CDH4: variants seen among roughly 807,000 people sequenced by gnomAD.
CDH4 encodes the protein cadherin 4, also known as cadherin-4.
Under a neutral mutation model 86.0 loss-of-function variants are expected in CDH4, and 33 were observed. That is an observed-to-expected ratio of 0.38 (90% CI 0.29 to 0.51). The LOEUF (loss-of-function observed/expected upper bound fraction) is 0.51, where lower values mean the gene tolerates loss of function less well. Among genes scored for constraint, CDH4 ranks in the 20% least tolerant of loss-of-function variants. The pLI, the probability that CDH4 is intolerant of heterozygous loss-of-function variation, is 0.86. For synonymous variants in CDH4, 555 were observed against 549.4 expected, an observed-to-expected ratio of 1.01 and a Z score of -0.14; for missense variants, 1,114 against 1,307.4, an observed-to-expected ratio of 0.85 and a Z score of 2.28.
At chr20:61,313,722 G>T (rs550929741) in intron 2 of CDH4, among the ~76,000 whole-genome samples, 15 of 152,268 alleles carry the variant, frequency 9.9e-5, no homozygotes, top group African/African-American at 2.6e-4. Context: ...ACAACATGAT[G>T]ATTTTTTACA....
At chr20:61,768,995 C>T (rs979979757) in intron 3 of CDH4, among the ~76,000 whole-genome samples, 31 of 152,280 alleles carry the variant, frequency 2.0e-4, no homozygotes, top group South Asian at 4.1e-4. Context: ...CACCACCAGG[C>T]GGGAGAGACC....
intron 3 of CDH4, among the ~76,000 whole-genome samples, chr20:61,744,622 A>G (rs549420359): frequency 9.9e-5 from 15 of 152,254 alleles, no homozygotes; most frequent in African/African-American, 3.6e-4. Context: ...CTTCACACAG[A>G]CATAAAACAT....
intron 2 of CDH4, among the ~76,000 whole-genome samples, chr20:61,524,209 A>T (rs1346719109): frequency 6.6e-6 from 1 of 152,194 alleles, no homozygotes; most frequent in African/African-American, 2.4e-5. Context: ...TGCTATGGAA[A>T]GGTCCTGTTT....
intron 3 of CDH4, among the ~76,000 whole-genome samples, chr20:61,758,400 G>T (rs1054193462): frequency 6.6e-6 from 1 of 152,294 alleles, no homozygotes. Context: ...CCGTATTGTG[G>T]TGCTGTGGAT....
At chr20:61,864,344 C>T (rs1321345534) in intron 6 of CDH4, among the ~76,000 whole-genome samples, 9 of 152,350 alleles carry the variant, frequency 5.9e-5, no homozygotes, top group Non-Finnish European at 8.8e-5. Context: ...GAGACCAGTG[C>T]AGTCCCCTTT....
chr20:61,394,219 T>A (rs1274831733), intron 2 of CDH4, among the ~76,000 whole-genome samples: 1 of 151,992 alleles, frequency 6.6e-6, no homozygotes, highest in Non-Finnish European at 1.5e-5. Flanking sequence ...TCCCCACCGA[T>A]CTCAGAGGTG....
chr20:61,285,021 T>C (rs906470761), intron 2 of CDH4, among the ~76,000 whole-genome samples: 1 of 152,224 alleles, frequency 6.6e-6, no homozygotes. Context: ...TTGCTGCTGC[T>C]TCTCTACTTT....
intron 2 of CDH4, among the ~76,000 whole-genome samples, chr20:61,624,948 TG>T (rs2086816587): frequency 6.6e-6 from 1 of 152,222 alleles, no homozygotes; most frequent in Non-Finnish European, 1.5e-5. Flanking sequence ...AGCAGTTGAC[TG>T]GGGCCACAGA....
chr20:61,274,168 G>A (rs1600823718), intron 2 of CDH4, among the ~76,000 whole-genome samples: 1 of 146,054 alleles, frequency 6.8e-6, no homozygotes, highest in Non-Finnish European at 1.5e-5. Context: ...GTGCAGTTTG[G>A]GGGAGTACTG....
chr20:61,655,197 G>A (rs1410027308), intron 2 of CDH4, among the ~76,000 whole-genome samples: 1 of 152,202 alleles, frequency 6.6e-6, no homozygotes, highest in African/African-American at 2.4e-5. Flanking sequence ...ATTTCACATG[G>A]GAAAACGGCT....
At chr20:61,537,595 A>G (rs1481230319) in intron 2 of CDH4, among the ~76,000 whole-genome samples, 1 of 152,204 alleles carries the variant, frequency 6.6e-6, no homozygotes, top group Non-Finnish European at 1.5e-5. Context: ...TCTAGAACTC[A>G]AGGAGCCAGG....
chr20:61,818,690 TAA>T (rs749117643), intron 4 of CDH4, among the ~76,000 whole-genome samples: 8 of 142,838 alleles, frequency 5.6e-5, no homozygotes, highest in African/African-American at 1.3e-4. Context: ...ACTAAAAATT[TAA>T]AAAAAAAAAA....
chr20:61,633,274 C>T (rs2086913306), intron 2 of CDH4, among the ~76,000 whole-genome samples: 1 of 151,914 alleles, frequency 6.6e-6, no homozygotes, highest in Non-Finnish European at 1.5e-5. Flanking sequence ...TCCATCTACC[C>T]ATCCACTCAT....
chr20:61,655,179 T>C (rs2087173947), intron 2 of CDH4, among the ~76,000 whole-genome samples: 2 of 152,218 alleles, frequency 1.3e-5, no homozygotes, highest in South Asian at 4.1e-4. Context: ...ATATGTCTGC[T>C]TGTGTGTATT....
intron 2 of CDH4, among the ~76,000 whole-genome samples, chr20:61,621,619 C>T (rs780318318): frequency 1.3e-5 from 2 of 152,150 alleles, no homozygotes; most frequent in Non-Finnish European, 2.9e-5. Context: ...ACAGCACACA[C>T]GAGCATCAGC....
intron 2 of CDH4, chr20:61,718,595 G>A (rs2087991936): frequency 5.6e-6 from 2 of 356,074 alleles, no homozygotes; most frequent in African/African-American, 4.3e-5. Context: ...ACAGGGCAGA[G>A]CGCTGCAGGG....
At chr20:61,697,539 A>T (rs2087727547) in intron 2 of CDH4, among the ~76,000 whole-genome samples, 2 of 152,128 alleles carry the variant, frequency 1.3e-5, no homozygotes, top group Admixed American at 1.3e-4. Flanking sequence ...CGGAGGTTGC[A>T]GTGAGCCGAG....
chr20:61,710,981 A>G (rs1416961795), intron 2 of CDH4, among the ~76,000 whole-genome samples: 2 of 152,200 alleles, frequency 1.3e-5, no homozygotes, highest in Non-Finnish European at 2.9e-5. Flanking sequence ...TCTCAAGGTC[A>G]GAAGCTGATA....
At chr20:61,860,489 C>G (rs1046493796) in intron 6 of CDH4, among the ~76,000 whole-genome samples, 2 of 152,206 alleles carry the variant, frequency 1.3e-5, no homozygotes, top group Non-Finnish European at 2.9e-5. Context: ...TTCCCAGACG[C>G]TGGCCTGCCA....
Sources: gnomAD v4.1 joint callset for allele counts (sites outside exome capture counted in the v4.1 genomes callset) on GRCh38, gnomAD v4.1.1 for gene constraint, MANE v1.5 for transcripts, NCBI Gene and HGNC (gene_info 2026-07-23, HGNC 2026-07-21) for gene names.